LRP1B: variants seen among roughly 807,000 people sequenced by gnomAD.
LRP1B encodes low-density lipoprotein receptor-related protein 1B.
In LRP1B, 217 loss-of-function variants were observed where a neutral mutation model predicts 556.6. The observed-to-expected ratio is 0.39, with a 90% CI of 0.35 to 0.44. The LOEUF is 0.44. LRP1B is among the 20% of genes least tolerant of loss of function. LRP1B has a pLI of 1.00. For synonymous variants in LRP1B, 2,047 were observed against 1,865.8 expected (o/e 1.10, Z -2.50); for missense variants, 5,053 against 5,620.8 (o/e 0.90, Z 3.23).
intron 1 of LRP1B, among the ~76,000 whole-genome samples, chr2:141,940,011 A>ATTAAAATTCTTTTGAAG (rs1700749775): frequency 6.6e-6 from 1 of 151,706 alleles, no homozygotes; most frequent in African/African-American, 2.4e-5. Flanking sequence ...ATAAACATTA[A>ATTAAAATTCTTTTGAAG]ATCTCAAGTC....
At chr2:140,324,748 GGTT>G (rs1174951177) in intron 80 of LRP1B, among the ~76,000 whole-genome samples, 1 of 151,586 alleles carries the variant, frequency 6.6e-6, no homozygotes, top group Non-Finnish European at 1.5e-5. Flanking sequence ...ATTATCTAGA[GGTT>G]GTAAAGTATA....
At chr2:140,923,285 T>C in intron 20 of LRP1B, 138 bp from the exon 21 acceptor site, 2 of 603,646 alleles carry the variant, frequency 3.3e-6, no homozygotes, top group Non-Finnish European at 5.7e-6. Flanking sequence ...AATACATTTT[T>C]ACTTTAGATG....
chr2:141,803,431 A>C (rs1696075559), intron 2 of LRP1B, among the ~76,000 whole-genome samples: 1 of 151,918 alleles, frequency 6.6e-6, no homozygotes, highest in Admixed American at 6.6e-5. Context: ...TTATTAAAGA[A>C]GGGTCAATGC....
At chr2:142,074,183 C>T (rs1184646513) in intron 1 of LRP1B, among the ~76,000 whole-genome samples, 1 of 151,878 alleles carries the variant, frequency 6.6e-6, no homozygotes, top group African/African-American at 2.4e-5. Context: ...ATTTGTTGCC[C>T]TACCAATTCG....
intron 47 of LRP1B, among the ~76,000 whole-genome samples, chr2:140,527,482 C>T (rs1690485941): frequency 6.6e-6 from 1 of 151,864 alleles, no homozygotes. Context: ...ATTTGTATTT[C>T]ATAATGTATG....
intron 7 of LRP1B, among the ~76,000 whole-genome samples, chr2:141,078,298 A>G (rs949713577): frequency 5.0e-5 from 3 of 59,628 alleles, no homozygotes; most frequent in Non-Finnish European, 8.0e-5. Context: ...ATATCTGTCC[A>G]GTTCATTTTT....
chr2:141,006,849 T>C (rs1047813089), intron 14 of LRP1B, among the ~76,000 whole-genome samples: 2 of 151,852 alleles, frequency 1.3e-5, no homozygotes, highest in Non-Finnish European at 2.9e-5. Flanking sequence ...CATATAAAAG[T>C]TACAGTAAAA....
rs532359512 is a variant in LRP1B at position 140,803,059 on chromosome 2, C to T, written c.5359+10598G>A. 5.9e-5 allele frequency among the ~76,000 whole-genome samples: 9 copies of T among 152,114 alleles called. No homozygotes were observed. In the East Asian group the frequency reaches 7.7e-4, roughly 13 times the overall value. ...TTCAATCCTACATGCCTCATGAAGT[C>T]CCCCTCTGAAGACATTTGGAAGTCT... On this transcript the variant is annotated intron_variant, in intron 32 of 90. Coordinates refer to ENST00000389484, the MANE Select transcript of LRP1B (RefSeq NM_018557.3).
chr2:141,832,327 T>TCTCACA (rs1257808394), intron 1 of LRP1B, among the ~76,000 whole-genome samples: 64 of 143,964 alleles, frequency 4.4e-4, no homozygotes, highest in African/African-American at 1.5e-3. Flanking sequence ...TCTTTCTCTC[T>TCTCACA]CACACACACA....
chr2:141,569,492 G>T (rs147183821), intron 2 of LRP1B, among the ~76,000 whole-genome samples: 1 of 151,000 alleles, frequency 6.6e-6, no homozygotes, highest in Non-Finnish European at 1.5e-5. Context: ...GGAGAGGGAG[G>T]AACTAGTCAT....
intron 2 of LRP1B, among the ~76,000 whole-genome samples, chr2:141,651,299 A>G (rs1453708451): frequency 6.6e-6 from 1 of 152,242 alleles, no homozygotes; most frequent in African/African-American, 2.4e-5. Flanking sequence ...AAGGATTGCC[A>G]GACAAAATAA....
intron 3 of LRP1B, among the ~76,000 whole-genome samples, chr2:141,441,087 T>C (rs1000175151): frequency 1.3e-5 from 2 of 152,210 alleles, no homozygotes; most frequent in South Asian, 2.1e-4. Flanking sequence ...TTTATTTTAT[T>C]TTTTTCTGGG....
intron 1 of LRP1B, among the ~76,000 whole-genome samples, chr2:141,905,804 T>TGTGTGTGTGG (rs1339360329): frequency 1.4e-5 from 2 of 146,900 alleles, no homozygotes; most frequent in Non-Finnish European, 1.5e-5. Flanking sequence ...TGTGTGTGTG[T>TGTGTGTGTGG]GGCTAGGTGT....
intron 1 of LRP1B, among the ~76,000 whole-genome samples, chr2:141,926,589 A>G (rs1470292393): frequency 6.6e-6 from 1 of 152,130 alleles, no homozygotes; most frequent in Non-Finnish European, 1.5e-5. Flanking sequence ...ACTTCATATA[A>G]TCTTTCAGCA....
chr2:140,466,077 A>G (rs1687533477), intron 60 of LRP1B, among the ~76,000 whole-genome samples: 1 of 150,796 alleles, frequency 6.6e-6, no homozygotes, highest in Admixed American at 6.6e-5. Context: ...AAAATAGTGC[A>G]GGTCGGGGGG....
At chr2:140,578,486 C>T (rs980170290) in intron 43 of LRP1B, among the ~76,000 whole-genome samples, 1 of 152,232 alleles carries the variant, frequency 6.6e-6, no homozygotes, top group East Asian at 1.9e-4. Flanking sequence ...TGGCCTCCTT[C>T]TACTCAGCAG....
intron 1 of LRP1B, among the ~76,000 whole-genome samples, chr2:141,925,307 G>A (rs1391302202): frequency 6.6e-6 from 1 of 152,178 alleles, no homozygotes; most frequent in Non-Finnish European, 1.5e-5. Context: ...CTGGAGAAGA[G>A]TTAGGTTTGA....
intron 3 of LRP1B, among the ~76,000 whole-genome samples, chr2:141,259,137 A>T (rs1385350710): frequency 6.6e-6 from 1 of 152,232 alleles, no homozygotes; most frequent in Non-Finnish European, 1.5e-5. Context: ...TAGTCAAAAA[A>T]TAGATATCTT....
At chr2:141,679,630 A>G (rs1168406863) in intron 2 of LRP1B, among the ~76,000 whole-genome samples, 1 of 152,154 alleles carries the variant, frequency 6.6e-6, no homozygotes, top group Non-Finnish European at 1.5e-5. Context: ...GCAAAGAAAT[A>G]TAAATAAGCA....
Sources: gnomAD v4.1 joint callset for allele counts (sites outside exome capture counted in the v4.1 genomes callset) on GRCh38, gnomAD v4.1.1 for gene constraint, MANE v1.5 for transcripts, NCBI Gene and HGNC (gene_info 2026-07-23, HGNC 2026-07-21) for gene names.